The following IL10RB variants were observed in gnomAD, a reference collection of about 807,000 sequenced individuals.
IL10RB encodes interleukin-10 receptor subunit beta.
Under a neutral mutation model 38.7 loss-of-function variants are expected in IL10RB, and 30 were observed. That is an observed-to-expected ratio of 0.78 (90% CI 0.58 to 1.05). The LOEUF (loss-of-function observed/expected upper bound fraction) is 1.05, where lower values mean the gene tolerates loss of function less well. IL10RB is among the 50% of genes least tolerant of loss of function. The pLI is 0.00. For missense variants in IL10RB, 328 were observed against 397.1 expected (o/e 0.83, Z 1.48); for synonymous variants, 142 against 145.9 (o/e 0.97, Z 0.19).
At chr21:33,289,942 G>A (rs1488008261) in intron 6 of IL10RB, among the ~76,000 whole-genome samples, 3 of 152,040 alleles carry the variant, frequency 2.0e-5, no homozygotes, top group Admixed American at 6.6e-5. Flanking sequence ...GTGAAACCCC[G>A]TCTCTACTAA....
Position 33,276,597 on chromosome 21 carries a change from TATAG to T in IL10RB, c.176_179del (p.Tyr59Ter). 1 of 1,612,524 alleles carries T rather than the reference TATAG, an allele frequency of 6.2e-7. No individual in the cohort carries two copies. The highest frequency in any genetic ancestry group is 8.5e-7 in the Non-Finnish European group (1 of 1,178,566). On this transcript the variant is annotated frameshift_variant and splice_region_variant, in exon 3 of 7. Transcript: ENST00000290200. LOFTEE classifies it high-confidence loss of function. ...TGACCTATCTTTTTGATTGTGTAGT[TATAG>T]GATATTCCAAGATAAATGCATGAAT...
In IL10RB at chr21:33,306,022, G is replaced by A. The variant is rs150515912; in HGVS notation, c.130-2954G>A. ...AATTTTTGTATTTTTAGTAGAGTAA[G>A]TGTTTTACCATGTGAGCCAGGCTGG... On this transcript the variant is annotated intron_variant, in intron 1 of 1. Transcript: ENST00000609556. Among the ~76,000 whole-genome samples, 100 of 152,150 alleles carry A rather than the reference G, an allele frequency of 6.6e-4. 3 individuals are homozygous for A. The East Asian group carries it at 0.018, about 28-fold the overall frequency.
Position 33,268,416 on chromosome 21 carries a change from C to G in IL10RB, c.72C>G (p.Pro24=), listed in dbSNP as rs759657610. The change falls in exon 2 of 7, where the codon CCC becomes CCG. Residue 24 remains proline (P), a synonymous_variant. Coordinates refer to ENST00000290200, the MANE Select transcript of IL10RB (RefSeq NM_000628.5). The part of the protein sequence containing the change: ...LVSALGMVPP[P]ENVRMNSVNF... Reference sequence around the variant, plus strand: ...TAGCATTGGGAATGGTACCACCTCCCGAAAATGTCAGAATGAATTCTGTTA... The same window carrying G: ...TAGCATTGGGAATGGTACCACCTCCGGAAAATGTCAGAATGAATTCTGTTA... 3 of 1,613,738 alleles carry G rather than the reference C, an allele frequency of 1.9e-6. No homozygotes were observed. The African/African-American group carries it at 4.0e-5, about 22-fold the overall frequency.
intron 6 of IL10RB, chr21:33,294,076 C>G (rs555058685): frequency 2.1e-6 from 1 of 470,870 alleles, no homozygotes; most frequent in Non-Finnish European, 4.4e-6. Flanking sequence ...GGCATAAGCT[C>G]TCACCTCCGA....
chr21:33,266,410 G>T lies in IL10RB; in HGVS notation c.-56G>T. The T allele has an allele frequency of 1.3e-6, 2 of 1,526,936 alleles. No individual in the cohort carries two copies. Among genetic ancestry groups the T allele is most frequent in the Non-Finnish European group, 1.8e-6 (2 of 1,139,108 alleles). The allele number at this position is 1,526,936 out of a possible 1,614,324, so 94.6% of individuals were successfully genotyped here. A position where few individuals can be genotyped will look rare whatever the true frequency, so the allele number is the denominator to read the frequency against. ...AAGCCGCCGCGGACAAGCTCTCCCGGGCGCGGGCGGGGGTCGTGTGCTTGG... is the reference window on the plus strand; with the variant it reads ...AAGCCGCCGCGGACAAGCTCTCCCGTGCGCGGGCGGGGGTCGTGTGCTTGG... On this transcript the variant is annotated 5_prime_UTR_variant, in exon 1 of 7. Coordinates refer to ENST00000290200, the MANE Select transcript of IL10RB (RefSeq NM_000628.5).
At chr21:33,301,543 C>CA (rs1568914875), downstream of IL10RB, among the ~76,000 whole-genome samples, 1 of 152,204 alleles carries the variant, frequency 6.6e-6, no homozygotes, top group Non-Finnish European at 1.5e-5. Flanking sequence ...ACAGGAAACA[C>CA]AAGCCAGCTG....
chr21:33,297,328 TGTTGA>T (rs2082971847), downstream of IL10RB: 1 of 152,034 alleles, frequency 6.6e-6, no homozygotes, highest in Admixed American at 6.6e-5. Context: ...CCCTGCCTGC[TGTTGA>T]CCAGGCACTG....
downstream of IL10RB, among the ~76,000 whole-genome samples, chr21:33,302,215 A>G (rs1242839063): frequency 6.6e-6 from 1 of 152,212 alleles, no homozygotes; most frequent in Non-Finnish European, 1.5e-5. Context: ...ACTGTTCTAA[A>G]AACAAGAGGC....
At chr21:33,271,048 A>G (rs924693466) in intron 2 of IL10RB, among the ~76,000 whole-genome samples, 4 of 152,288 alleles carry the variant, frequency 2.6e-5, no homozygotes, top group East Asian at 1.9e-4. Context: ...AGCGATCCCA[A>G]TGACTTCATG....
At chr21:33,301,149 T>C (rs1385881395), downstream of IL10RB, among the ~76,000 whole-genome samples, 1 of 152,200 alleles carries the variant, frequency 6.6e-6, no homozygotes, top group Non-Finnish European at 1.5e-5. Context: ...CTGAACTCTC[T>C]AGTTCAGAAA....
chr21:33,268,359 G>A (rs1989012296), intron 1 of IL10RB, 35 bp from the exon 2 acceptor site: 1 of 1,613,972 alleles, frequency 6.2e-7, no homozygotes, highest in Non-Finnish European at 8.5e-7. Context: ...GTTTTGAGGA[G>A]AAAAGTTGTA....
At position 33,282,212 on chromosome 21, in the gene IL10RB, G is replaced by A. The variant is rs1462420469; in HGVS notation, c.499-882G>A. On this transcript the variant is annotated intron_variant, in intron 4 of 6. Coordinates refer to ENST00000290200, the MANE Select transcript of IL10RB (RefSeq NM_000628.5). ...TGCAGTAGAGGCATATAGGCATGCT[G>A]TCAACGACCCCAACCCCAAAAAAGA... Among the ~76,000 whole-genome samples, 3 of 152,102 alleles carry A rather than the reference G, an allele frequency of 2.0e-5. No individual in the cohort carries two copies. In the East Asian group the frequency reaches 5.8e-4, roughly 29 times the overall value.
intron 6 of IL10RB, among the ~76,000 whole-genome samples, chr21:33,288,901 C>G (rs1989431293): frequency 6.6e-6 from 1 of 152,178 alleles, no homozygotes; most frequent in Non-Finnish European, 1.5e-5. Flanking sequence ...TATCTTTGGT[C>G]TCATTTCCCA....
downstream of IL10RB, among the ~76,000 whole-genome samples, chr21:33,301,656 G>A (rs1007310543): frequency 9.2e-5 from 14 of 152,198 alleles, no homozygotes; most frequent in African/African-American, 3.1e-4. Context: ...GGGTGGGAGC[G>A]ATAGCCAACC....
intron 1 of IL10RB, 97 bp downstream of exon 1, chr21:33,266,611 A>C: frequency 7.7e-7 from 1 of 1,291,430 alleles, no homozygotes; most frequent in East Asian, 2.6e-5. Flanking sequence ...AAGTGACTTA[A>C]GAGCCTTCGG....
chr21:33,274,755 T>C lies in IL10RB; in HGVS notation c.174-1841T>C, dbSNP rs147658336. 4.4e-3 allele frequency among the ~76,000 whole-genome samples: 672 copies of C among 152,350 alleles called. 4 individuals are homozygous for C. The highest frequency in any genetic ancestry group is 0.015 in the African/African-American group (642 of 41,582). On this transcript the variant is annotated intron_variant, in intron 2 of 6. Transcript: ENST00000290200. The stretch of plus-strand genomic sequence containing the variant: ...CCTCCAGGCTTTGTTGCTCCATTTG[T>C]AGAGCACAGGCAGAGTAGATTTGGC...
chr21:33,273,379 T>C (rs8178465), intron 2 of IL10RB, among the ~76,000 whole-genome samples: 5,321 of 152,292 alleles, frequency 0.035, 325 homozygotes, highest in African/African-American at 0.12. Context: ...ATTAAGTGTG[T>C]GATAGCGTTA....
In IL10RB at chr21:33,291,761, A is replaced by G. The variant is rs536942011; in HGVS notation, c.804+3500A>G. On this transcript the variant is annotated intron_variant, in intron 6 of 6. Transcript: ENST00000290200. ...GAGTGGTGCAAGAGTCGACGTCATC[A>G]GCTTGCTACCAGGTGGCTGGTCAGT... 9.8e-5 allele frequency among the ~76,000 whole-genome samples: 15 copies of G among 152,308 alleles called. No individual in the cohort carries two copies. In the South Asian group the frequency reaches 2.7e-3, roughly 27 times the overall value.
At chr21:33,309,564 G>GA (rs1339832847) in exon 2 of IL10RB, 1 of 152,098 alleles carries the variant, frequency 6.6e-6, no homozygotes, top group Non-Finnish European at 1.5e-5. Context: ...TGATGCTCAA[G>GA]ATTTTAAGTG....
Sources: allele counts gnomAD v4.1 joint callset (sites outside exome capture counted in the v4.1 genomes callset), GRCh38; gene constraint gnomAD v4.1.1; transcripts MANE v1.5; gene names NCBI Gene and HGNC (gene_info 2026-07-23, HGNC 2026-07-21).